Variants in JAM3 observed in about 807,000 individuals in gnomAD.
JAM3 encodes the protein junctional adhesion molecule 3, also known as junctional adhesion molecule C.
In JAM3, 31 loss-of-function variants were observed where a neutral mutation model predicts 39.4. That is an observed-to-expected ratio of 0.79 (90% CI 0.59 to 1.06). JAM3 has a LOEUF of 1.06. JAM3 is among the 50% of genes least tolerant of loss of function. The pLI, the probability that JAM3 is intolerant of heterozygous loss-of-function variation, is 0.00. For synonymous variants in JAM3, 182 were observed against 148.7 expected, an observed-to-expected ratio of 1.22 and a Z score of -1.63; for missense variants, 455 against 391.4, an observed-to-expected ratio of 1.16 and a Z score of -1.37.
chr11:134,102,168 T>C (rs1195207103), intron 1 of JAM3, among the ~76,000 whole-genome samples: 1 of 152,130 alleles, frequency 6.6e-6, no homozygotes, highest in Non-Finnish European at 1.5e-5. Flanking sequence ...CGTAGCATGG[T>C]AAGGGATGGA....
At chr11:134,081,820 T>C (rs1332815484) in intron 1 of JAM3, among the ~76,000 whole-genome samples, 1 of 152,196 alleles carries the variant, frequency 6.6e-6, no homozygotes, top group African/African-American at 2.4e-5. Context: ...CAGCTTGCAC[T>C]GTGCACCTGG....
intron 2 of JAM3, 118 bp from the exon 3 acceptor site, chr11:134,140,539 G>A: frequency 1.2e-6 from 1 of 811,872 alleles, no homozygotes; most frequent in East Asian, 2.5e-5. Context: ...TGTGGAGTTG[G>A]CTACGTTTTT....
intron 1 of JAM3, among the ~76,000 whole-genome samples, chr11:134,088,065 A>T (rs1008645502): frequency 6.6e-6 from 1 of 152,202 alleles, no homozygotes; most frequent in African/African-American, 2.4e-5. Context: ...ATTCAGCAAG[A>T]GGTAGCTGAT....
intron 1 of JAM3, among the ~76,000 whole-genome samples, chr11:134,125,514 CAAG>C (rs1157561003): frequency 1.3e-5 from 2 of 152,294 alleles, no homozygotes; most frequent in African/African-American, 4.8e-5. Context: ...TACAATAAAG[CAAG>C]AAGTAGGGAG....
In JAM3 at chr11:134,140,728, G is replaced by A. The variant is rs370631910; in HGVS notation, c.214G>A (p.Asp72Asn). Reference protein sequence around the residue: ...DPRIEWKKIQDEQTTYVFFDN... With the variant: ...DPRIEWKKIQNEQTTYVFFDN... ...CAGGATCGAGTGGAAGAAAATTCAA[G>A]ATGAACAAACCACATATGTGTTTTT... The change falls in exon 3 of 9, where the codon GAT becomes AAT. Residue 72 changes from aspartate to asparagine, a missense_variant. Transcript: ENST00000299106. The A allele has an allele frequency of 3.1e-6, 5 of 1,613,686 alleles. No homozygotes were observed. The South Asian group carries it at 3.3e-5, about 11-fold the overall frequency.
chr11:134,122,490 A>G (rs764538571), intron 1 of JAM3, among the ~76,000 whole-genome samples: 42 of 152,234 alleles, frequency 2.8e-4, no homozygotes, highest in Non-Finnish European at 5.1e-4. Flanking sequence ...CCAGCCAAGA[A>G]TCTGCAGAAA....
chr11:134,112,977 A>G (rs879437898), intron 1 of JAM3, among the ~76,000 whole-genome samples: 1 of 152,160 alleles, frequency 6.6e-6, no homozygotes, highest in Non-Finnish European at 1.5e-5. Context: ...GCTCCAAGTA[A>G]TACCCAGCAA....
At chr11:134,114,580 T>C (rs1350283841) in intron 1 of JAM3, among the ~76,000 whole-genome samples, 1 of 152,134 alleles carries the variant, frequency 6.6e-6, no homozygotes, top group Non-Finnish European at 1.5e-5. Flanking sequence ...TAAAACACTT[T>C]TTAATTTCCC....
At chr11:134,113,526 C>A (rs1345912991) in intron 1 of JAM3, among the ~76,000 whole-genome samples, 8 of 152,158 alleles carry the variant, frequency 5.3e-5, no homozygotes, top group Non-Finnish European at 7.3e-5. Flanking sequence ...ATGAACTCAT[C>A]ATCTTTTATG....
In JAM3 at chr11:134,144,226, G is replaced by C. The variant is rs771087930; in HGVS notation, c.257-15G>C. ...CTTTAAAGAAGTTTTTTAGTGCCTC[G>C]TGTCTTTTCTGTAGGAGACTTGGCG... is the stretch of plus-strand genomic sequence containing the variant. On this transcript the variant is annotated splice_polypyrimidine_tract_variant and intron_variant, in intron 3 of 8. Coordinates refer to ENST00000299106, the MANE Select transcript of JAM3 (RefSeq NM_032801.5). The C allele has an allele frequency of 6.2e-7, 1 of 1,614,050 alleles. No individual in the cohort carries two copies. Among genetic ancestry groups the C allele is most frequent in the Non-Finnish European group, 8.5e-7 (1 of 1,179,954 alleles).
intron 1 of JAM3, among the ~76,000 whole-genome samples, chr11:134,129,111 CTCT>C (rs1283877960): frequency 2.0e-5 from 3 of 146,626 alleles, no homozygotes; most frequent in South Asian, 2.2e-4. Flanking sequence ...TCCCTGGTAT[CTCT>C]TCAAGTTCTT....
intron 1 of JAM3, among the ~76,000 whole-genome samples, chr11:134,114,789 C>T (rs1942389635): frequency 6.6e-6 from 1 of 151,958 alleles, no homozygotes; most frequent in Admixed American, 6.6e-5. Flanking sequence ...GGTAAATGTC[C>T]CATTTGCACT....
intron 1 of JAM3, among the ~76,000 whole-genome samples, chr11:134,101,403 A>C (rs1194578689): frequency 6.6e-6 from 1 of 152,238 alleles, no homozygotes; most frequent in Non-Finnish European, 1.5e-5. Flanking sequence ...ATTTATTCAA[A>C]GAGTGGTAGC....
intron 1 of JAM3, among the ~76,000 whole-genome samples, chr11:134,100,570 C>T (rs1394167587): frequency 1.3e-5 from 2 of 152,182 alleles, no homozygotes; most frequent in African/African-American, 4.8e-5. Context: ...TAGTGAGCTC[C>T]TTGAGGGCAT....
chr11:134,148,955 A>ACACAAACACACAC, intron 8 of JAM3, 137 bp downstream of exon 8: 1 of 624,922 alleles, frequency 1.6e-6, no homozygotes, highest in African/African-American at 1.9e-5. Context: ...CCTTCACAGT[A>ACACAAACACACAC]ACACACACAC....
intron 2 of JAM3, among the ~76,000 whole-genome samples, chr11:134,140,364 C>T (rs746470941): frequency 2.0e-5 from 3 of 152,096 alleles, no homozygotes; most frequent in South Asian, 2.1e-4. Flanking sequence ...CCCTCCTTGG[C>T]CTCCCAAAGT....
intron 1 of JAM3, among the ~76,000 whole-genome samples, chr11:134,092,551 TTCA>T (rs1941887204): frequency 6.6e-6 from 1 of 150,856 alleles, no homozygotes; most frequent in South Asian, 2.1e-4. Context: ...TTACATCTTA[TTCA>T]TCATTTTCCA....
intron 1 of JAM3, among the ~76,000 whole-genome samples, chr11:134,113,198 G>GTT (rs201082815): frequency 3.3e-4 from 43 of 130,042 alleles, no homozygotes; most frequent in Middle Eastern, 3.6e-3. Context: ...TGGACTGTCT[G>GTT]GTTTTTTTTT....
rs996399836 is a variant in JAM3, at chr11:134,070,165, T to C, written c.76+1006T>C. 8 of 456,148 alleles carry C rather than the reference T, an allele frequency of 1.8e-5. No individual in the cohort carries two copies. In the Admixed American group the frequency reaches 1.9e-4, roughly 11 times the overall value. The allele number at this position is 456,148 out of a possible 1,614,324, so 28.3% of individuals were successfully genotyped here. On this transcript the variant is annotated intron_variant, in intron 1 of 8. Coordinates refer to ENST00000299106, the MANE Select transcript of JAM3 (RefSeq NM_032801.5). The stretch of plus-strand genomic sequence containing the variant: ...CTGTGAGATAGGTTTCATTAATCCA[T>C]TTTCAGAGTCAAGTCTAGTCTGCTT...
Sources: gnomAD v4.1 joint callset for allele counts (sites outside exome capture counted in the v4.1 genomes callset) on GRCh38, gnomAD v4.1.1 for gene constraint, MANE v1.5 for transcripts, NCBI Gene and HGNC (gene_info 2026-07-23, HGNC 2026-07-21) for gene names.